PCDHA9: variants seen among roughly 807,000 people sequenced by gnomAD.
PCDHA9 encodes the protein protocadherin alpha 9, also known as protocadherin alpha-9.
Under a neutral mutation model 62.0 loss-of-function variants are expected in PCDHA9, and 62 were observed. That is an observed-to-expected ratio of 1.00 (90% CI 0.81 to 1.23). PCDHA9 has a LOEUF of 1.23. Among genes scored for constraint, PCDHA9 ranks in the 50% most tolerant of loss-of-function variants. The pLI is 0.00. For missense variants in PCDHA9, 1,205 were observed against 1,249.8 expected (o/e 0.96, Z 0.54); for synonymous variants, 557 against 567.6 (o/e 0.98, Z 0.27).
chr5:140,966,586 TG>T (rs1297938804), intron 1 of PCDHA9: 39 of 548,908 alleles, frequency 7.1e-5, no homozygotes, highest in Non-Finnish European at 1.1e-4. Flanking sequence ...GCGAGGACGG[TG>T]GGGCCAGGAG....
In PCDHA9 at chr5:140,870,852, G is replaced by T. The variant is rs782301779; in HGVS notation, c.2394+19963G>T. 6 of 1,613,862 alleles carry T rather than the reference G, an allele frequency of 3.7e-6. 1 individual carries two copies. The South Asian group carries it at 6.6e-5, about 18-fold the overall frequency. On this transcript the variant is annotated intron_variant, in intron 1 of 3. Coordinates refer to ENST00000532602, the MANE Select transcript of PCDHA9 (RefSeq NM_031857.2). ...CAGTTAACAAGCTAGTACCGCGGTC[G>T]GTGGGTGCGGGCCACGTGGTGGCGA...
chr5:140,901,249 C>T (rs1554189685), intron 1 of PCDHA9, among the ~76,000 whole-genome samples: 1 of 151,994 alleles, frequency 6.6e-6, no homozygotes, highest in Admixed American at 6.6e-5. Flanking sequence ...TCCTTTGGTT[C>T]CCTGTGATTG....
intron 1 of PCDHA9, among the ~76,000 whole-genome samples, chr5:140,885,056 C>T (rs1554181973): frequency 6.6e-6 from 1 of 152,106 alleles, no homozygotes; most frequent in East Asian, 1.9e-4. Flanking sequence ...TATACATATA[C>T]CCACAAGATA....
chr5:140,928,701 G>T, intron 1 of PCDHA9: 1 of 1,614,132 alleles, frequency 6.2e-7, no homozygotes, highest in Non-Finnish European at 8.5e-7. Context: ...TCTCCCGGGC[G>T]TCTGACTCTA....
At chr5:140,872,792 G>A (rs1474880199) in intron 1 of PCDHA9, among the ~76,000 whole-genome samples, 1 of 152,054 alleles carries the variant, frequency 6.6e-6, no homozygotes, top group Non-Finnish European at 1.5e-5. Context: ...ATGCTAGTTG[G>A]CATTCTTCCA....
At chr5:140,903,871 A>G (rs1382306493) in intron 1 of PCDHA9, among the ~76,000 whole-genome samples, 2 of 152,192 alleles carry the variant, frequency 1.3e-5, no homozygotes, top group Non-Finnish European at 2.9e-5. Context: ...GAGTAAAATG[A>G]CAAAGACATT....
intron 1 of PCDHA9, among the ~76,000 whole-genome samples, chr5:140,954,349 G>A (rs554018151): frequency 2.0e-4 from 31 of 152,312 alleles, no homozygotes; most frequent in Admixed American, 1.8e-3. Flanking sequence ...AGATCTTTGA[G>A]GAATCGCCAC....
intron 1 of PCDHA9, among the ~76,000 whole-genome samples, chr5:140,920,841 T>TAAAAAAAAA (rs781921146): frequency 9.2e-6 from 1 of 109,226 alleles, no homozygotes; most frequent in Non-Finnish European, 1.9e-5. Context: ...AGACCAAATC[T>TAAAAAAAAA]AAAAAAAAAA....
rs1444138021 is a variant in PCDHA9 at position 140,855,293 on chromosome 5, C to T, written c.2394+4404C>T. ...CTCAACCACCGTATTACTATTAGGC[C>T]AAAGTTATAAAATTGGAACATGAGG... On this transcript the variant is annotated intron_variant, in intron 1 of 3. Transcript: ENST00000532602. 2.7e-5 allele frequency among the ~76,000 whole-genome samples: 4 copies of T among 149,558 alleles called. 1 individual carries two copies. The highest frequency in any genetic ancestry group is 4.3e-4 in the South Asian group (2 of 4,702).
chr5:140,855,223 T>G lies in PCDHA9; in HGVS notation c.2394+4334T>G, dbSNP rs79371036. 4.7e-3 allele frequency among the ~76,000 whole-genome samples: 698 copies of G among 149,962 alleles called. 54 individuals are homozygous for G. Among genetic ancestry groups the G allele is most frequent in the Non-Finnish European group, 8.3e-3 (557 of 67,056 alleles). ...ATAGTTTCCATTTATGAAGCACTCATTCTCCTTAAGGTACTATTGCAAGCA... is the reference window on the plus strand; with the variant it reads ...ATAGTTTCCATTTATGAAGCACTCAGTCTCCTTAAGGTACTATTGCAAGCA... On this transcript the variant is annotated intron_variant, in intron 1 of 3. Coordinates refer to ENST00000532602, the MANE Select transcript of PCDHA9 (RefSeq NM_031857.2).
At position 140,848,653 on chromosome 5, in the gene PCDHA9, GGCTGGA is replaced by G. The variant is rs2150416251; in HGVS notation, c.164_169del (p.Glu55_Leu56del). 1.3e-6 allele frequency: 2 copies of G among 1,592,726 alleles called. No individual in the cohort carries two copies. The highest frequency in any genetic ancestry group is 1.7e-6 in the Non-Finnish European group (2 of 1,163,638). ...GTGGGCCGCATCGCGCAGGACCTGGGGCTGGAGCTGGCGGAGCTGGTGCCGCGCCTG... is the reference window on the plus strand; with the variant it reads ...GTGGGCCGCATCGCGCAGGACCTGGGGCTGGCGGAGCTGGTGCCGCGCCTG... On this transcript the variant is annotated inframe_deletion, in exon 1 of 4. Coordinates refer to ENST00000532602, the MANE Select transcript of PCDHA9 (RefSeq NM_031857.2).
chr5:140,856,424 AACG>A, intron 1 of PCDHA9: 1 of 1,598,418 alleles, frequency 6.3e-7, no homozygotes, highest in Non-Finnish European at 8.6e-7. Context: ...GAAGGACATT[AACG>A]ACAACCCGCC....
chr5:140,895,614 A>T (rs185386474), intron 1 of PCDHA9, among the ~76,000 whole-genome samples: 101 of 152,212 alleles, frequency 6.6e-4, no homozygotes, highest in African/African-American at 2.4e-3. Context: ...TTTCTCATTG[A>T]GGGTGTTGTC....
chr5:141,009,706 C>G lies in PCDHA9; in HGVS notation c.2622C>G (p.Gly874=). Reference sequence around the variant, plus strand: ...GCTGGACCTTTAAATACGGACCAGGCAACCCCAAACAATCCGGTCCCGGTG... The same window carrying G: ...GCTGGACCTTTAAATACGGACCAGGGAACCCCAAACAATCCGGTCCCGGTG... ...SNSWTFKYGP[G]NPKQSGPGEL... The change falls in exon 4 of 4, where the codon GGC becomes GGG. Residue 874 remains glycine, a synonymous_variant. Transcript: ENST00000532602. 1 of 1,614,118 alleles carries G rather than the reference C, an allele frequency of 6.2e-7. No homozygotes were observed. Among genetic ancestry groups the G allele is most frequent in the Non-Finnish European group, 8.5e-7 (1 of 1,180,020 alleles).
At chr5:140,858,600 T>TA (rs1554151860) in intron 1 of PCDHA9, 1 of 1,293,862 alleles carries the variant, frequency 7.7e-7, no homozygotes, top group Non-Finnish European at 1.1e-6. Context: ...CCAGGAGTTT[T>TA]AAAATTTTTT....
In PCDHA9 at chr5:140,849,488, T is replaced by C; in HGVS notation, c.993T>C (p.Ala331=). The change falls in exon 1 of 4, where the codon GCT becomes GCC. Residue 331 remains alanine, a synonymous_variant. Coordinates refer to ENST00000532602, the MANE Select transcript of PCDHA9 (RefSeq NM_031857.2). ...TCGATAAAGGCTTCCCACCCCTGGC[T>C]GGTCATTGTACACTTCTTGTGGAAG... The part of the protein sequence containing the change: ...EAVDKGFPPL[A]GHCTLLVEVV... 1.3e-6 allele frequency: 2 copies of C among 1,592,030 alleles called. No homozygotes were observed. Among genetic ancestry groups the C allele is most frequent in the South Asian group, 1.1e-5 (1 of 90,342 alleles).
At chr5:140,883,932 T>A (rs1554180637) in intron 1 of PCDHA9, 2 of 1,613,418 alleles carry the variant, frequency 1.2e-6, no homozygotes. Context: ...CAGGTGTTCG[T>A]GCTGGACGAG....
At chr5:141,006,033 G>A (rs1162099125) in intron 3 of PCDHA9, among the ~76,000 whole-genome samples, 1 of 151,252 alleles carries the variant, frequency 6.6e-6, no homozygotes, top group Non-Finnish European at 1.5e-5. Context: ...TAGTAAGAGG[G>A]AGATTTGTAG....
chr5:140,883,403 T>C (rs1009539034), intron 1 of PCDHA9: 1 of 1,614,168 alleles, frequency 6.2e-7, no homozygotes, highest in Non-Finnish European at 8.5e-7. Context: ...CGATCGTGAC[T>C]CTGGCTCAAA....
Sources: gnomAD v4.1 joint callset for allele counts (sites outside exome capture counted in the v4.1 genomes callset) on GRCh38, gnomAD v4.1.1 for gene constraint, MANE v1.5 for transcripts, NCBI Gene and HGNC (gene_info 2026-07-23, HGNC 2026-07-21) for gene names.